The following SMAP1 variants were observed in gnomAD, a reference collection of about 807,000 sequenced individuals.
SMAP1 encodes stromal membrane-associated protein 1.
SMAP1 carries 24 observed loss-of-function variants against 58.5 expected under a neutral mutation model. The observed-to-expected ratio is 0.41, with a 90% CI of 0.30 to 0.58. The LOEUF is 0.58. Ranked by LOEUF, SMAP1 falls within the 20% of genes least tolerant of loss-of-function variation. The pLI is 0.29. For synonymous variants in SMAP1, 216 were observed against 196.6 expected (o/e 1.10, Z -0.82); for missense variants, 563 against 566.3 (o/e 0.99, Z 0.06).
chr6:70,822,966 CTTTA>C (rs1260529520), intron 6 of SMAP1, among the ~76,000 whole-genome samples: 1 of 152,000 alleles, frequency 6.6e-6, no homozygotes, highest in Admixed American at 6.6e-5. Context: ...ATTCTGATCT[CTTTA>C]TTTCTTTTTT....
chr6:70,667,960 GC>G lies in SMAP1; in HGVS notation c.-61del, dbSNP rs1766094231. The G allele has an allele frequency of 6.3e-6, 9 of 1,438,486 alleles. No individual in the cohort carries two copies. The highest frequency in any genetic ancestry group is 6.6e-6 in the Non-Finnish European group (7 of 1,059,608). The allele number at this position is 1,438,486 out of a possible 1,614,324, so 89.1% of individuals were successfully genotyped here. A position where few individuals can be genotyped will look rare whatever the true frequency, so the allele number is the denominator to read the frequency against. ...CGGCGGCGCCAGGTGCGTTCACTCT[GC>G]CCGGCTCCAGCCAGCGTCCGCCGCC... On this transcript the variant is annotated 5_prime_UTR_variant, in exon 1 of 11. Coordinates refer to ENST00000370455, the MANE Select transcript of SMAP1 (RefSeq NM_001044305.3).
intron 1 of SMAP1, among the ~76,000 whole-genome samples, chr6:70,720,138 T>TG (rs1768456926): frequency 6.6e-6 from 1 of 152,024 alleles, no homozygotes; most frequent in Non-Finnish European, 1.5e-5. Context: ...CCAGATACAA[T>TG]GGGGGTACAG....
chr6:70,718,531 G>A (rs141220005), intron 1 of SMAP1, among the ~76,000 whole-genome samples: 1 of 152,184 alleles, frequency 6.6e-6, no homozygotes, highest in East Asian at 1.9e-4. Context: ...ATAAGAATGC[G>A]ATGCTTGGGG....
intron 2 of SMAP1, among the ~76,000 whole-genome samples, chr6:70,746,884 T>C (rs1766066136): frequency 6.6e-6 from 1 of 152,158 alleles, no homozygotes; most frequent in Non-Finnish European, 1.5e-5. Context: ...ACTGCCTAAT[T>C]TAGGTAGAAC....
rs571800746 is a variant in SMAP1 at position 70,693,189 on chromosome 6, T to A, written c.118+25048T>A. ...TGTTTTAGAAGATCTGTAGTATAATTTGAAGTCAGGTAATGTGATTCCTCC... is the reference window on the plus strand; with the variant it reads ...TGTTTTAGAAGATCTGTAGTATAATATGAAGTCAGGTAATGTGATTCCTCC... On this transcript the variant is annotated intron_variant, in intron 1 of 10. Coordinates refer to ENST00000370455, the MANE Select transcript of SMAP1 (RefSeq NM_001044305.3). Among the ~76,000 whole-genome samples, 89 of 152,240 alleles carry A rather than the reference T, an allele frequency of 5.8e-4. 2 individuals are homozygous for A. In the South Asian group the frequency reaches 0.018, roughly 30 times the overall value.
chr6:70,736,678 TC>T (rs1279744187), intron 2 of SMAP1, among the ~76,000 whole-genome samples: 1 of 152,216 alleles, frequency 6.6e-6, no homozygotes, highest in African/African-American at 2.4e-5. Flanking sequence ...ATGTCATTGT[TC>T]CAGTTACTCT....
intron 5 of SMAP1, 78 bp downstream of exon 5, chr6:70,791,847 G>A: frequency 8.1e-7 from 1 of 1,230,106 alleles, no homozygotes; most frequent in South Asian, 1.3e-5. Context: ...TGTCATTCGG[G>A]AACACTATAA....
At chr6:70,838,280 A>C (rs1409170766) in intron 7 of SMAP1, among the ~76,000 whole-genome samples, 2 of 152,174 alleles carry the variant, frequency 1.3e-5, no homozygotes, top group Non-Finnish European at 2.9e-5. Flanking sequence ...TCTAGGCCTG[A>C]TTCATATCTT....
intron 6 of SMAP1, among the ~76,000 whole-genome samples, chr6:70,818,288 C>G (rs924259511): frequency 5.3e-5 from 8 of 151,572 alleles, no homozygotes; most frequent in Non-Finnish European, 1.0e-4. Context: ...CACCTGTAAT[C>G]CCAGCTACTC....
chr6:70,852,203 C>A (rs1328211700), intron 7 of SMAP1, among the ~76,000 whole-genome samples: 3 of 152,024 alleles, frequency 2.0e-5, no homozygotes, highest in Non-Finnish European at 2.9e-5. Flanking sequence ...GTACCCAGAA[C>A]AGTGCCTGGC....
chr6:70,813,763 T>C lies in SMAP1; in HGVS notation c.576+15026T>C, dbSNP rs1209771115. Among the ~76,000 whole-genome samples the C allele has an allele frequency of 2.6e-5, 4 of 152,104 alleles. No homozygotes were observed. In the East Asian group the frequency reaches 7.7e-4, roughly 29 times the overall value. On this transcript the variant is annotated intron_variant, in intron 6 of 10. Coordinates refer to ENST00000370455, the MANE Select transcript of SMAP1 (RefSeq NM_001044305.3). ...AAATGCACAAAATCTCCCAGAAAAT[T>C]TTTAAAATCTGTTAAATAAACAATA...
chr6:70,807,915 A>C (rs1285190114), intron 6 of SMAP1, among the ~76,000 whole-genome samples: 1 of 151,788 alleles, frequency 6.6e-6, no homozygotes, highest in Non-Finnish European at 1.5e-5. Flanking sequence ...AAGCCTTACA[A>C]ATAACATAAA....
intron 6 of SMAP1, among the ~76,000 whole-genome samples, chr6:70,809,561 A>G (rs891202793): frequency 2.0e-5 from 3 of 152,180 alleles, no homozygotes; most frequent in Non-Finnish European, 4.4e-5. Context: ...TGCTAGATTG[A>G]TAGGTTATGT....
chr6:70,673,739 G>T (rs992203906), intron 1 of SMAP1, among the ~76,000 whole-genome samples: 7 of 152,314 alleles, frequency 4.6e-5, no homozygotes, highest in African/African-American at 1.7e-4. Flanking sequence ...TGGGTCTGTT[G>T]TTCTTGTAAT....
chr6:70,821,028 T>C (rs1218347248), intron 6 of SMAP1, among the ~76,000 whole-genome samples: 2 of 152,186 alleles, frequency 1.3e-5, no homozygotes, highest in South Asian at 2.1e-4. Flanking sequence ...TTAGTAGATA[T>C]CACTCTAGGT....
Position 70,721,892 on chromosome 6 carries a change from A to G in SMAP1, c.119-10486A>G, listed in dbSNP as rs200353229. Among the ~76,000 whole-genome samples the G allele has an allele frequency of 4.6e-5, 7 of 152,186 alleles. No homozygotes were observed. The East Asian group carries it at 7.7e-4, about 17-fold the overall frequency. On this transcript the variant is annotated intron_variant, in intron 1 of 10. Coordinates refer to ENST00000370455, the MANE Select transcript of SMAP1 (RefSeq NM_001044305.3). ...GGGAAAGACCGGCCCCCATGATTCA[A>G]TTACCTTGCCCCGGATCCCTCCCAC...
At chr6:70,850,314 T>A (rs978071969) in intron 7 of SMAP1, among the ~76,000 whole-genome samples, 1 of 152,110 alleles carries the variant, frequency 6.6e-6, no homozygotes, top group African/African-American at 2.4e-5. Flanking sequence ...TGCCAAAAAA[T>A]CAACGGGATT....
chr6:70,846,758 G>A (rs1443888938), intron 7 of SMAP1, among the ~76,000 whole-genome samples: 1 of 152,148 alleles, frequency 6.6e-6, no homozygotes, highest in African/African-American at 2.4e-5. Context: ...TAGGTCAATG[G>A]TCATGTAAAT....
chr6:70,832,056 G>A (rs980492722), intron 6 of SMAP1, among the ~76,000 whole-genome samples: 11 of 152,064 alleles, frequency 7.2e-5, no homozygotes, highest in East Asian at 1.9e-4. Context: ...TGTTGGCTAC[G>A]TGTATGTTTT....
Sources: allele counts gnomAD v4.1 joint callset (sites outside exome capture counted in the v4.1 genomes callset), GRCh38; gene constraint gnomAD v4.1.1; transcripts MANE v1.5; gene names NCBI Gene and HGNC (gene_info 2026-07-23, HGNC 2026-07-21).